Variants in CADM2 observed in about 807,000 individuals in gnomAD.
CADM2 encodes the protein cell adhesion molecule 2.
CADM2 carries 12 observed loss-of-function variants against 49.8 expected under a neutral mutation model. The observed-to-expected ratio is 0.24, with a 90% CI of 0.15 to 0.39. The LOEUF is 0.39. Among genes scored for constraint, CADM2 ranks in the 10% least tolerant of loss-of-function variants. The pLI, the probability that CADM2 is intolerant of heterozygous loss-of-function variation, is 1.00. For missense variants in CADM2, 378 were observed against 492.3 expected (o/e 0.77, Z 2.20); for synonymous variants, 214 against 175.4 (o/e 1.22, Z -1.74).
At chr3:85,904,930 A>G (rs1716592261) in intron 5 of CADM2, among the ~76,000 whole-genome samples, 1 of 152,144 alleles carries the variant, frequency 6.6e-6, no homozygotes, top group African/African-American at 2.4e-5. Flanking sequence ...AGATGAAACT[A>G]TTTTATAATT....
Position 85,511,935 on chromosome 3 carries a change from G to A in CADM2, c.62-214587G>A, listed in dbSNP as rs968107256. 1.0e-5 allele frequency: 9 copies of A among 867,842 alleles called. No individual in the cohort carries two copies. The South Asian group carries it at 2.1e-4, about 20-fold the overall frequency. 53.8% of individuals were successfully genotyped at this position (867,842 alleles called of 1,614,324 possible). ...AAAAGTGGTGAAATTATATCTTATA[G>A]CAATGTTCAATATATAAATATATAT... On this transcript the variant is annotated intron_variant, in intron 1 of 9. Coordinates refer to ENST00000383699, the MANE Select transcript of CADM2 (RefSeq NM_001167675.2).
intron 1 of CADM2, among the ~76,000 whole-genome samples, chr3:85,463,405 T>C (rs1260867405): frequency 6.6e-6 from 1 of 152,150 alleles, no homozygotes; most frequent in African/African-American, 2.4e-5. Flanking sequence ...TGGAAAAATC[T>C]GTGCCTTTCA....
chr3:85,306,673 G>A (rs1033089596), intron 1 of CADM2, among the ~76,000 whole-genome samples: 1 of 151,584 alleles, frequency 6.6e-6, no homozygotes, highest in African/African-American at 2.4e-5. Flanking sequence ...AAGTGAAACT[G>A]CCCTTTTCTG....
chr3:85,948,251 C>T (rs919629550), intron 7 of CADM2, among the ~76,000 whole-genome samples: 17 of 151,364 alleles, frequency 1.1e-4, no homozygotes, highest in Non-Finnish European at 2.4e-4. Context: ...AATTGAAATA[C>T]TATGATTATT....
chr3:85,459,110 C>A (rs899488922), intron 1 of CADM2, among the ~76,000 whole-genome samples: 1 of 152,098 alleles, frequency 6.6e-6, no homozygotes, highest in Non-Finnish European at 1.5e-5. Context: ...CAGTTGTTTT[C>A]TGGTACAAGA....
chr3:85,390,358 CTGAT>C (rs968030970), intron 1 of CADM2, among the ~76,000 whole-genome samples: 4 of 152,030 alleles, frequency 2.6e-5, no homozygotes, highest in African/African-American at 9.7e-5. Flanking sequence ...GTGGTTCTTC[CTGAT>C]TGTTTGCTTA....
At chr3:85,384,225 G>C (rs2034075098) in intron 1 of CADM2, among the ~76,000 whole-genome samples, 1 of 152,184 alleles carries the variant, frequency 6.6e-6, no homozygotes, top group African/African-American at 2.4e-5. Context: ...ATTATGTAGA[G>C]AGTATCCATA....
chr3:85,374,764 C>A lies in CADM2; in HGVS notation c.62-351758C>A, dbSNP rs183406911. ...GCAGAAAAACTACCTTTTATAAAAC[C>A]ATCAGATCTTGTGAGACTTATTCAC... On this transcript the variant is annotated intron_variant, in intron 1 of 9. Coordinates refer to ENST00000383699, the MANE Select transcript of CADM2 (RefSeq NM_001167675.2). Among the ~76,000 whole-genome samples the A allele has an allele frequency of 3.9e-5, 6 of 152,108 alleles. No homozygotes were observed. In the East Asian group the frequency reaches 1.2e-3, roughly 30 times the overall value.
chr3:85,400,812 C>T (rs903941603), intron 1 of CADM2, among the ~76,000 whole-genome samples: 1 of 152,108 alleles, frequency 6.6e-6, no homozygotes, highest in Non-Finnish European at 1.5e-5. Flanking sequence ...GCAGTGAGTC[C>T]TTAATGCTGA....
At chr3:85,979,190 A>G (rs1333801205) in intron 8 of CADM2, 1 of 1,610,492 alleles carries the variant, frequency 6.2e-7, no homozygotes, top group East Asian at 2.2e-5. Flanking sequence ...GCTTCCCACT[A>G]CTATCATCCC....
intron 7 of CADM2, among the ~76,000 whole-genome samples, chr3:85,957,698 A>G (rs1724226582): frequency 6.6e-6 from 1 of 151,818 alleles, no homozygotes; most frequent in South Asian, 2.1e-4. Context: ...TGTTACCTGT[A>G]CTTCTGACCA....
intron 1 of CADM2, among the ~76,000 whole-genome samples, chr3:85,583,081 T>G (rs1480277450): frequency 6.6e-6 from 1 of 152,144 alleles, no homozygotes; most frequent in Non-Finnish European, 1.5e-5. Flanking sequence ...TTAATTATTA[T>G]TTACTATACG....
At chr3:85,455,987 A>T (rs1267336253) in intron 1 of CADM2, among the ~76,000 whole-genome samples, 2 of 152,194 alleles carry the variant, frequency 1.3e-5, no homozygotes, top group Non-Finnish European at 1.5e-5. Context: ...AAAATAACAA[A>T]TGACATCACG....
chr3:85,660,963 C>A (rs1295501978), intron 1 of CADM2, among the ~76,000 whole-genome samples: 1 of 149,824 alleles, frequency 6.7e-6, no homozygotes, highest in Non-Finnish European at 1.5e-5. Context: ...TTGTAATTTT[C>A]ATTTACTGAG....
chr3:84,984,048 T>TATACAC (rs1224516135), intron 1 of CADM2, among the ~76,000 whole-genome samples: 6 of 143,234 alleles, frequency 4.2e-5, no homozygotes, highest in South Asian at 2.3e-4. Context: ...TATATATATA[T>TATACAC]ACACACACAC....
intron 8 of CADM2, among the ~76,000 whole-genome samples, chr3:86,041,940 A>C (rs557860580): frequency 3.8e-4 from 58 of 152,326 alleles, no homozygotes; most frequent in African/African-American, 1.3e-3. Flanking sequence ...AAAACCGCTC[A>C]ACTACGTGGA....
intron 1 of CADM2, among the ~76,000 whole-genome samples, chr3:85,140,539 C>A (rs888340799): frequency 1.3e-5 from 2 of 152,154 alleles, no homozygotes; most frequent in African/African-American, 4.8e-5. Context: ...TGTAAATCCT[C>A]CCATATCTAT....
At chr3:85,330,979 CTTTT>C (rs1246771696) in intron 1 of CADM2, among the ~76,000 whole-genome samples, 1 of 151,842 alleles carries the variant, frequency 6.6e-6, no homozygotes, top group Non-Finnish European at 1.5e-5. Context: ...ATAACAATCA[CTTTT>C]TTATTTAGAA....
At position 85,572,944 on chromosome 3, in the gene CADM2, C is replaced by T; in HGVS notation, c.62-153578C>T. Among the ~76,000 whole-genome samples the T allele has an allele frequency of 1.3e-5, 2 of 152,022 alleles. 1 individual carries two copies. Among genetic ancestry groups the T allele is most frequent in the Admixed American group, 1.3e-4 (2 of 15,252 alleles). ...TACTTTACTAGCTTTCTAGGTATTT[C>T]TTAATCCAGACAAGTTAACACCTAA... On this transcript the variant is annotated intron_variant, in intron 1 of 9. Coordinates refer to ENST00000383699, the MANE Select transcript of CADM2 (RefSeq NM_001167675.2).
Sources: allele counts gnomAD v4.1 joint callset (sites outside exome capture counted in the v4.1 genomes callset), GRCh38; gene constraint gnomAD v4.1.1; transcripts MANE v1.5; gene names NCBI Gene and HGNC (gene_info 2026-07-23, HGNC 2026-07-21).